Variants in TSHZ2 observed in about 807,000 individuals in gnomAD.
TSHZ2 encodes the protein teashirt homolog 2.
TSHZ2 carries 21 observed loss-of-function variants against 74.4 expected under a neutral mutation model. The observed-to-expected ratio is 0.28, with a 90% CI of 0.20 to 0.41. The LOEUF (loss-of-function observed/expected upper bound fraction) is 0.41. TSHZ2 is among the 10% of genes least tolerant of loss of function. The probability of loss-of-function intolerance (pLI) is 1.00; values close to 1 mark genes in which losing one functional copy is unlikely to be tolerated. For missense variants in TSHZ2, 1,244 were observed against 1,293.5 expected (o/e 0.96, Z 0.59); for synonymous variants, 540 against 515.3 (o/e 1.05, Z -0.65).
chr20:53,050,877 G>A (rs146288324), intron 1 of TSHZ2, among the ~76,000 whole-genome samples: 84 of 152,282 alleles, frequency 5.5e-4, no homozygotes, highest in African/African-American at 1.9e-3. Context: ...GATGTTGGTA[G>A]AAGCCACCTG....
At position 53,007,607 on chromosome 20, in the gene TSHZ2, T is replaced by G. The variant is rs548094445; in HGVS notation, c.40+34274T>G. Reference sequence around the variant, plus strand: ...AGTCATCCAAGAAAGAAATGTGTGTTTGTGTGTGTGTGTGTGTGAGTATGT... The same window carrying G: ...AGTCATCCAAGAAAGAAATGTGTGTGTGTGTGTGTGTGTGTGTGAGTATGT... On this transcript the variant is annotated intron_variant, in intron 1 of 2. Coordinates refer to ENST00000371497, the MANE Select transcript of TSHZ2 (RefSeq NM_173485.6). Among the ~76,000 whole-genome samples, 268 of 150,012 alleles carry G rather than the reference T, an allele frequency of 1.8e-3. 1 individual carries two copies. Among genetic ancestry groups the G allele is most frequent in the Middle Eastern group, 6.9e-3 (2 of 288 alleles).
In TSHZ2 at chr20:53,489,912, A is replaced by G. The variant is rs1986403783; in HGVS notation, c.*2777A>G. The G allele has an allele frequency of 6.6e-6, 1 of 152,248 alleles. No homozygotes were observed. Among genetic ancestry groups the G allele is most frequent in the Non-Finnish European group, 1.5e-5 (1 of 68,050 alleles). The allele number at this position is 152,248 out of a possible 1,614,324, so 9.4% of individuals were successfully genotyped here. ...TTCTGGAGGAAAAAAACTAAATAAC[A>G]TAAACTCAGGAGAATGTCTTTACCC... On this transcript the variant is annotated 3_prime_UTR_variant, in exon 3 of 3. Coordinates refer to ENST00000371497, the MANE Select transcript of TSHZ2 (RefSeq NM_173485.6).
At chr20:53,257,037 T>C (rs1990497727) in intron 2 of TSHZ2, among the ~76,000 whole-genome samples, 2 of 152,258 alleles carry the variant, frequency 1.3e-5, no homozygotes, top group Admixed American at 6.5e-5. Context: ...AGTTACTATA[T>C]AGAGATTCCT....
chr20:53,469,092 T>TATATACA (rs1338859854), intron 2 of TSHZ2, among the ~76,000 whole-genome samples: 1 of 136,508 alleles, frequency 7.3e-6, no homozygotes, highest in Non-Finnish European at 1.6e-5. Flanking sequence ...TATGTACATA[T>TATATACA]TCTAATTGAA....
intron 2 of TSHZ2, among the ~76,000 whole-genome samples, chr20:53,454,396 T>C (rs891354395): frequency 5.9e-5 from 9 of 151,914 alleles, no homozygotes; most frequent in Admixed American, 2.0e-4. Context: ...ACCCCATCTT[T>C]ACTAAAAATA....
intron 2 of TSHZ2, among the ~76,000 whole-genome samples, chr20:53,472,726 T>C (rs546383513): frequency 1.0e-3 from 156 of 151,900 alleles, no homozygotes; most frequent in African/African-American, 3.6e-3. Flanking sequence ...CGGTGATTTC[T>C]GCATTTCCAT....
At chr20:53,350,690 C>T (rs150804047) in intron 2 of TSHZ2, among the ~76,000 whole-genome samples, 1 of 152,194 alleles carries the variant, frequency 6.6e-6, no homozygotes, top group African/African-American at 2.4e-5. Context: ...TCCCCAGCAC[C>T]TTACAGGATT....
chr20:53,283,867 T>A (rs922978995), intron 2 of TSHZ2, among the ~76,000 whole-genome samples: 1 of 152,192 alleles, frequency 6.6e-6, no homozygotes, highest in Admixed American at 6.5e-5. Flanking sequence ...CAGGGAAGAT[T>A]TTCCTGCATG....
chr20:53,380,556 A>G (rs1379122595), intron 2 of TSHZ2, among the ~76,000 whole-genome samples: 2 of 152,220 alleles, frequency 1.3e-5, no homozygotes, highest in African/African-American at 2.4e-5. Flanking sequence ...CTAACACACA[A>G]TGCAAAAAGG....
chr20:53,471,816 T>C (rs1985813475), intron 2 of TSHZ2, among the ~76,000 whole-genome samples: 1 of 149,516 alleles, frequency 6.7e-6, no homozygotes, highest in East Asian at 1.9e-4. Context: ...TTTTTTTTTT[T>C]TTTTTTTGAG....
At chr20:53,380,135 G>GGA (rs949147116) in intron 2 of TSHZ2, among the ~76,000 whole-genome samples, 7 of 93,174 alleles carry the variant, frequency 7.5e-5, no homozygotes, top group African/African-American at 2.1e-4. Flanking sequence ...GTTGATGGTT[G>GGA]GAGAGTGTGT....
intron 2 of TSHZ2, among the ~76,000 whole-genome samples, chr20:53,355,182 A>G (rs1980799114): frequency 6.6e-6 from 1 of 152,220 alleles, no homozygotes. Flanking sequence ...ATAAGCAAAA[A>G]GGAAAAGAAA....
In TSHZ2 at chr20:53,409,041, A is replaced by G. The variant is rs541314502; in HGVS notation, c.*9-78103A>G. On this transcript the variant is annotated intron_variant, in intron 2 of 2. Transcript: ENST00000371497. ...AATTTAGGACGTGCACTGTTTGATC[A>G]TCTGTACACTTACAACAAATAAAAC... 2.0e-5 allele frequency among the ~76,000 whole-genome samples: 3 copies of G among 152,318 alleles called. No individual in the cohort carries two copies. In the East Asian group the frequency reaches 5.8e-4, roughly 29 times the overall value.
At chr20:53,184,889 G>A (rs1354038013) in intron 1 of TSHZ2, among the ~76,000 whole-genome samples, 1 of 152,028 alleles carries the variant, frequency 6.6e-6, no homozygotes, top group Admixed American at 6.6e-5. Context: ...TATATTTTTA[G>A]TATAGATGGG....
chr20:53,117,876 C>T (rs999943055), intron 1 of TSHZ2, among the ~76,000 whole-genome samples: 1 of 152,178 alleles, frequency 6.6e-6, no homozygotes, highest in Non-Finnish European at 1.5e-5. Flanking sequence ...CAATGTCTTC[C>T]CTCAATCTAC....
chr20:53,408,007 G>A (rs1488752986), intron 2 of TSHZ2, among the ~76,000 whole-genome samples: 2 of 152,188 alleles, frequency 1.3e-5, no homozygotes, highest in African/African-American at 4.8e-5. Flanking sequence ...TGGCCTGTGG[G>A]TCACAGTTTG....
intron 2 of TSHZ2, among the ~76,000 whole-genome samples, chr20:53,435,552 C>T (rs554110692): frequency 1.4e-4 from 22 of 152,296 alleles, no homozygotes; most frequent in South Asian, 6.2e-4. Flanking sequence ...CTTGCTCTGT[C>T]GCCCAGGCTG....
intron 2 of TSHZ2, among the ~76,000 whole-genome samples, chr20:53,307,462 C>T (rs1978590987): frequency 6.6e-6 from 1 of 152,134 alleles, no homozygotes; most frequent in East Asian, 1.9e-4. Context: ...CCTGCATGCT[C>T]CCTCCAGCCC....
rs530664847 is a variant in TSHZ2 at position 53,460,429 on chromosome 20, T to G, written c.*9-26715T>G. Among the ~76,000 whole-genome samples the G allele has an allele frequency of 5.6e-3, 847 of 152,348 alleles. 7 individuals carry two copies. Among genetic ancestry groups the G allele is most frequent in the Non-Finnish European group, 7.7e-3 (527 of 68,034 alleles). On this transcript the variant is annotated intron_variant, in intron 2 of 2. Coordinates refer to ENST00000371497, the MANE Select transcript of TSHZ2 (RefSeq NM_173485.6). The stretch of plus-strand genomic sequence containing the variant: ...CCTTTAAGCACTTCTCTGTATTGGT[T>G]ATTCTAGTTATGCATTCTTCTAAAG...
Sources: gnomAD v4.1 joint callset for allele counts (sites outside exome capture counted in the v4.1 genomes callset) on GRCh38, gnomAD v4.1.1 for gene constraint, MANE v1.5 for transcripts, NCBI Gene and HGNC (gene_info 2026-07-23, HGNC 2026-07-21) for gene names.